The following PRKG1 variants were observed in gnomAD, a reference collection of about 807,000 sequenced individuals.
PRKG1 encodes the protein cGMP-dependent protein kinase 1.
Under a neutral mutation model 88.1 loss-of-function variants are expected in PRKG1, and 35 were observed. The ratio of observed to expected loss-of-function variants is 0.40; its 90% CI spans 0.30 to 0.53. The LOEUF (loss-of-function observed/expected upper bound fraction) is 0.53, where lower values mean the gene tolerates loss of function less well. PRKG1 is among the 20% of genes least tolerant of loss of function. The pLI is 0.59. For synonymous variants in PRKG1, 303 were observed against 292.5 expected (o/e 1.04, Z -0.37); for missense variants, 540 against 839.8 (o/e 0.64, Z 4.41).
intron 4 of PRKG1, among the ~76,000 whole-genome samples, chr10:51,896,495 G>C (rs1841849152): frequency 6.6e-6 from 1 of 151,694 alleles, no homozygotes; most frequent in Admixed American, 6.6e-5. Flanking sequence ...GATCACTTGA[G>C]GCCAAGTGTT....
chr10:51,547,816 G>T (rs537579479), intron 3 of PRKG1, among the ~76,000 whole-genome samples: 21 of 152,102 alleles, frequency 1.4e-4, no homozygotes, highest in Admixed American at 3.9e-4. Flanking sequence ...TTCAAAGTAT[G>T]TTCTACGTGC....
intron 3 of PRKG1, among the ~76,000 whole-genome samples, chr10:51,679,714 T>G (rs1840797136): frequency 7.4e-6 from 1 of 135,032 alleles, no homozygotes; most frequent in African/African-American, 2.8e-5. Context: ...CTTTTTTTTT[T>G]TTTTTTAATG....
At chr10:52,166,839 G>GTATATATATATATGTATATATGTATA (rs375678645) in intron 9 of PRKG1, among the ~76,000 whole-genome samples, 1 of 90,484 alleles carries the variant, frequency 1.1e-5, no homozygotes, top group African/African-American at 4.7e-5. Flanking sequence ...GTATATATAT[G>GTATATATATATATGTATATATGTATA]TATATATATG....
At chr10:51,553,314 G>T (rs76693237) in intron 3 of PRKG1, among the ~76,000 whole-genome samples, 45 of 151,724 alleles carry the variant, frequency 3.0e-4, no homozygotes, top group African/African-American at 1.0e-3. Flanking sequence ...AAAGCAGTGC[G>T]ATGAATACTT....
At chr10:51,872,121 CCTGAAGT>C (rs1437905002) in intron 4 of PRKG1, among the ~76,000 whole-genome samples, 1 of 152,144 alleles carries the variant, frequency 6.6e-6, no homozygotes, top group African/African-American at 2.4e-5. Context: ...CTCCTCTGCA[CCTGAAGT>C]CTAGATTCAT....
At chr10:51,453,215 C>G (rs1381352476) in intron 2 of PRKG1, among the ~76,000 whole-genome samples, 1 of 151,894 alleles carries the variant, frequency 6.6e-6, no homozygotes, top group East Asian at 1.9e-4. Flanking sequence ...AATGGTCTAT[C>G]AGTTTGGTTT....
At chr10:51,002,026 G>A (rs1379081288) in intron 1 of PRKG1, among the ~76,000 whole-genome samples, 2 of 89,234 alleles carry the variant, frequency 2.2e-5, no homozygotes, top group Non-Finnish European at 4.4e-5. Context: ...CTCGATGTTT[G>A]TCTTAAGGAA....
chr10:52,072,346 C>T (rs1846524205), intron 7 of PRKG1, among the ~76,000 whole-genome samples: 1 of 151,634 alleles, frequency 6.6e-6, no homozygotes, highest in African/African-American at 2.4e-5. Context: ...CAAAACAAAA[C>T]AATACAAAAC....
intron 2 of PRKG1, among the ~76,000 whole-genome samples, chr10:51,313,058 C>T (rs1458769827): frequency 5.4e-5 from 8 of 147,830 alleles, no homozygotes; most frequent in Non-Finnish European, 1.5e-5. Context: ...AACACAATTC[C>T]CATTAAGTTG....
chr10:52,244,696 T>A (rs1589729545), intron 9 of PRKG1, among the ~76,000 whole-genome samples: 1 of 127,606 alleles, frequency 7.8e-6, no homozygotes, highest in East Asian at 2.6e-4. Flanking sequence ...AAATAATATA[T>A]TAATAATTAA....
chr10:52,120,376 C>A (rs958902897), intron 7 of PRKG1, among the ~76,000 whole-genome samples: 4 of 152,104 alleles, frequency 2.6e-5, no homozygotes, highest in African/African-American at 9.7e-5. Context: ...AAAGTTTTAA[C>A]TAGTTCAGCG....
chr10:52,215,515 G>C (rs924131109), intron 9 of PRKG1, among the ~76,000 whole-genome samples: 10 of 151,476 alleles, frequency 6.6e-5, no homozygotes, highest in Admixed American at 6.6e-4. Context: ...ATTTTCTTTT[G>C]TGCATCTCAG....
At chr10:51,847,666 G>A (rs1589349527) in intron 4 of PRKG1, among the ~76,000 whole-genome samples, 1 of 149,164 alleles carries the variant, frequency 6.7e-6, no homozygotes. Context: ...ACATCATAAT[G>A]ACAGTTTTTT....
At chr10:51,032,499 C>T (rs1284967006) in intron 1 of PRKG1, among the ~76,000 whole-genome samples, 4 of 152,100 alleles carry the variant, frequency 2.6e-5, no homozygotes, top group Non-Finnish European at 4.4e-5. Context: ...TGGCTCACAC[C>T]TGTAATCCCA....
At chr10:51,521,917 C>T (rs191991973) in intron 3 of PRKG1, among the ~76,000 whole-genome samples, 12 of 152,158 alleles carry the variant, frequency 7.9e-5, no homozygotes, top group Admixed American at 6.5e-4. Context: ...ATGCAAAATG[C>T]CACAACTTCT....
chr10:51,777,022 AT>A (rs1342149925), intron 3 of PRKG1, among the ~76,000 whole-genome samples: 1 of 152,134 alleles, frequency 6.6e-6, no homozygotes, highest in Non-Finnish European at 1.5e-5. Flanking sequence ...TGATAATCCA[AT>A]GATTCTTGTG....
chr10:52,230,345 G>A (rs1173795466), intron 9 of PRKG1, among the ~76,000 whole-genome samples: 1 of 152,144 alleles, frequency 6.6e-6, no homozygotes, highest in Non-Finnish European at 1.5e-5. Flanking sequence ...ACAGTACATG[G>A]CACTAGCAAA....
intron 1 of PRKG1, among the ~76,000 whole-genome samples, chr10:51,051,246 TAAG>T (rs1310927972): frequency 3.9e-5 from 6 of 152,110 alleles, no homozygotes; most frequent in South Asian, 4.1e-4. Flanking sequence ...AGGCCAATGT[TAAG>T]AAGATTTTCC....
chr10:52,075,371 T>C (rs911390011), intron 7 of PRKG1, among the ~76,000 whole-genome samples: 2 of 152,200 alleles, frequency 1.3e-5, no homozygotes, highest in Non-Finnish European at 2.9e-5. Flanking sequence ...CTAAGATTTT[T>C]TTGGTTGAAA....
Sources: allele counts gnomAD v4.1 joint callset (sites outside exome capture counted in the v4.1 genomes callset), GRCh38; gene constraint gnomAD v4.1.1; transcripts MANE v1.5; gene names NCBI Gene and HGNC (gene_info 2026-07-23, HGNC 2026-07-21).